FHIP1A: variants seen among roughly 807,000 people sequenced by gnomAD.
FHIP1A encodes FHF complex subunit HOOK-interacting protein 1A.
Under a neutral mutation model 88.6 loss-of-function variants are expected in FHIP1A, and 61 were observed. The ratio of observed to expected loss-of-function variants is 0.69; its 90% CI spans 0.56 to 0.85. The LOEUF (loss-of-function observed/expected upper bound fraction) is 0.85, where lower values mean the gene tolerates loss of function less well. Among genes scored for constraint, FHIP1A ranks in the 40% least tolerant of loss-of-function variants. The pLI, the probability that FHIP1A is intolerant of heterozygous loss-of-function variation, is 0.00. For synonymous variants in FHIP1A, 478 were observed against 496.0 expected (o/e 0.96, Z 0.48); for missense variants, 1,154 against 1,273.5 (o/e 0.91, Z 1.43).
rs1408332983 is a variant in FHIP1A at position 151,664,660 on chromosome 4, T to C, written c.*1906T>C. 1.3e-5 allele frequency among the ~76,000 whole-genome samples: 2 copies of C among 152,220 alleles called. No individual in the cohort carries two copies. Among genetic ancestry groups the C allele is most frequent in the Non-Finnish European group, 2.9e-5 (2 of 68,034 alleles). ...CATTAGAAAAGAAGGTAGCTTAAGA[T>C]AGAGAAAGAGGAACAGTTGAAGATG... On this transcript the variant is annotated 3_prime_UTR_variant, in exon 14 of 14. Transcript: ENST00000435205.
chr4:151,571,432 G>A (rs1462575686), intron 4 of FHIP1A, among the ~76,000 whole-genome samples: 1 of 152,192 alleles, frequency 6.6e-6, no homozygotes, highest in African/African-American at 2.4e-5. Context: ...TCATCTTGGA[G>A]GGGGTAGGGA....
At chr4:151,487,207 G>A (rs900388644) in intron 3 of FHIP1A, among the ~76,000 whole-genome samples, 7 of 151,950 alleles carry the variant, frequency 4.6e-5, no homozygotes, top group African/African-American at 1.7e-4. Flanking sequence ...TGTTCCCTAT[G>A]GATGATGGTA....
Position 151,666,020 on chromosome 4 carries a change from CACA to C in FHIP1A, c.*3270_*3272del, listed in dbSNP as rs775010297. Among the ~76,000 whole-genome samples the C allele has an allele frequency of 2.0e-5, 3 of 152,186 alleles. No individual in the cohort carries two copies. Among genetic ancestry groups the C allele is most frequent in the Non-Finnish European group, 4.4e-5 (3 of 68,038 alleles). ...AGGGAGCCAAGGGTTCCTGGAGTATCACAACATTAACCTCAATTCATAATTCAG... is the reference window on the plus strand; with the variant it reads ...AGGGAGCCAAGGGTTCCTGGAGTATCACATTAACCTCAATTCATAATTCAG... On this transcript the variant is annotated 3_prime_UTR_variant, in exon 14 of 14. Transcript: ENST00000435205.
rs1168936476 is a variant in FHIP1A at position 151,566,244 on chromosome 4, T to C, written c.-16T>C. The C allele has an allele frequency of 6.6e-7, 1 of 1,504,308 alleles. No individual in the cohort carries two copies. Among genetic ancestry groups the C allele is most frequent in the African/African-American group, 1.4e-5 (1 of 71,402 alleles). 93.2% of individuals were successfully genotyped at this position (1,504,308 alleles called of 1,614,324 possible). ...AAAATTAAATATGACTTAGAAGCAT[T>C]GATTTATGAAGGCTTATGATGTCAT... is the stretch of plus-strand genomic sequence containing the variant. On this transcript the variant is annotated 5_prime_UTR_variant, in exon 4 of 14. Coordinates refer to ENST00000435205, the MANE Select transcript of FHIP1A (RefSeq NM_001109977.3).
At chr4:151,599,148 A>C (rs968966554) in intron 7 of FHIP1A, among the ~76,000 whole-genome samples, 8 of 152,232 alleles carry the variant, frequency 5.3e-5, no homozygotes, top group African/African-American at 1.9e-4. Context: ...TACTTTGTAA[A>C]AGTCATATTA....
intron 3 of FHIP1A, among the ~76,000 whole-genome samples, chr4:151,515,073 G>A (rs1393142676): frequency 4.6e-5 from 7 of 152,164 alleles, no homozygotes; most frequent in South Asian, 2.1e-4. Flanking sequence ...CTGGCAAACT[G>A]AATCCAGCAG....
At chr4:151,459,243 GA>G (rs58527852) in intron 2 of FHIP1A, among the ~76,000 whole-genome samples, 2,638 of 151,892 alleles carry the variant, frequency 0.017, 71 homozygotes, top group African/African-American at 0.059. Flanking sequence ...TTTTGTTCCT[GA>G]AAAAAAGTGA....
At chr4:151,428,894 A>G (rs1329591264) in intron 1 of FHIP1A, among the ~76,000 whole-genome samples, 3 of 152,084 alleles carry the variant, frequency 2.0e-5, no homozygotes, top group Non-Finnish European at 4.4e-5. Context: ...GTTAACTCCT[A>G]TTTATCTTTA....
chr4:151,577,422 G>A (rs751498092), intron 4 of FHIP1A, 28 bp from the exon 5 acceptor site: 6 of 1,494,062 alleles, frequency 4.0e-6, no homozygotes, highest in Non-Finnish European at 4.5e-6. Flanking sequence ...AACATCAGAT[G>A]GATGACAAAT....
intron 3 of FHIP1A, among the ~76,000 whole-genome samples, chr4:151,514,975 A>T (rs1457067617): frequency 6.6e-6 from 1 of 152,196 alleles, no homozygotes; most frequent in Non-Finnish European, 1.5e-5. Context: ...TCAACCTGAT[A>T]CCAAAGCCAG....
rs931988195 is a variant in FHIP1A, at chr4:151,588,953, T to C, written c.978+27T>C. 5.0e-6 allele frequency: 7 copies of C among 1,408,114 alleles called. No individual in the cohort carries two copies. In the Admixed American group the frequency reaches 1.4e-4, roughly 28 times the overall value. The allele number at this position is 1,408,114 out of a possible 1,614,324, so 87.2% of individuals were successfully genotyped here. On this transcript the variant is annotated intron_variant, in intron 7 of 13. Transcript: ENST00000435205. ...TCAGTGATTGGCTCATGTAATCTTC[T>C]GTCTCTATAATACAAGTGATGGACA... is the stretch of plus-strand genomic sequence containing the variant.
intron 7 of FHIP1A, among the ~76,000 whole-genome samples, chr4:151,610,124 C>T (rs1487128155): frequency 6.6e-6 from 1 of 152,096 alleles, no homozygotes; most frequent in East Asian, 1.9e-4. Flanking sequence ...TGGTAGAGCA[C>T]TTAATCTTTC....
rs1472475150 is a variant in FHIP1A at position 151,588,924 on chromosome 4, A to G, written c.976A>G (p.Lys326Glu). The G allele has an allele frequency of 1.3e-6, 2 of 1,535,148 alleles. No homozygotes were observed. The highest frequency in any genetic ancestry group is 3.9e-5 in the Admixed American group (2 of 50,972). ...ACCAGTCTTGGCTCCTGCTCTCCAT[A>G]AGGTCAGTGATTGGCTCATGTAATC... ...LVPVLAPALH[K>E]VTVEEVMTTT... is the part of the protein sequence containing the mutation. The change falls in exon 7 of 14, where the codon AAG (lysine) becomes GAG (glutamate). Residue 326 changes from lysine to glutamate, a missense_variant and splice_region_variant. By Grantham distance (56) the Lys-to-Glu change is moderately conservative. Transcript: ENST00000435205.
At chr4:151,570,412 A>G (rs914369882) in intron 4 of FHIP1A, among the ~76,000 whole-genome samples, 1 of 152,118 alleles carries the variant, frequency 6.6e-6, no homozygotes, top group Non-Finnish European at 1.5e-5. Context: ...TAACCTGAGT[A>G]TTCTATCACT....
intron 7 of FHIP1A, among the ~76,000 whole-genome samples, chr4:151,621,396 A>G (rs963965577): frequency 1.3e-5 from 2 of 152,090 alleles, no homozygotes; most frequent in African/African-American, 2.4e-5. Context: ...TCCGGTGCTC[A>G]TGGAAAATAA....
At chr4:151,512,244 A>G (rs1158003584) in intron 3 of FHIP1A, among the ~76,000 whole-genome samples, 2 of 152,164 alleles carry the variant, frequency 1.3e-5, no homozygotes, top group African/African-American at 4.8e-5. Flanking sequence ...GTTAGAAGGA[A>G]AACTAACAAA....
chr4:151,573,611 A>C (rs1190967518), intron 4 of FHIP1A, among the ~76,000 whole-genome samples: 1 of 152,052 alleles, frequency 6.6e-6, no homozygotes, highest in Non-Finnish European at 1.5e-5. Context: ...GACTGTCTAG[A>C]TAGCTGAGAA....
intron 3 of FHIP1A, among the ~76,000 whole-genome samples, chr4:151,517,469 TA>T (rs535833876): frequency 8.5e-5 from 13 of 152,060 alleles, no homozygotes; most frequent in Non-Finnish European, 1.8e-4. Context: ...ATGATAAATT[TA>T]AAAAAATATA....
intron 3 of FHIP1A, among the ~76,000 whole-genome samples, chr4:151,499,418 C>T (rs901186544): frequency 8.5e-5 from 13 of 152,296 alleles, no homozygotes; most frequent in South Asian, 6.2e-4. Flanking sequence ...AGTACAAGTT[C>T]AGCCTGGTGA....
Sources: gnomAD v4.1 joint callset for allele counts (sites outside exome capture counted in the v4.1 genomes callset) on GRCh38, gnomAD v4.1.1 for gene constraint, MANE v1.5 for transcripts, NCBI Gene and HGNC (gene_info 2026-07-23, HGNC 2026-07-21) for gene names.